Variants in DNAI3 observed in about 807,000 individuals in gnomAD.
DNAI3 encodes the protein WD repeat domain 63.
In DNAI3, 83 loss-of-function variants were observed where a neutral mutation model predicts 115.5. The ratio of observed to expected loss-of-function variants is 0.72; its 90% CI spans 0.60 to 0.86. The LOEUF (loss-of-function observed/expected upper bound fraction) is 0.86, where lower values mean the gene tolerates loss of function less well. Among genes scored for constraint, DNAI3 ranks in the 40% least tolerant of loss-of-function variants. The pLI, the probability that DNAI3 is intolerant of heterozygous loss-of-function variation, is 0.00. For synonymous variants in DNAI3, 320 were observed against 347.0 expected (o/e 0.92, Z 0.86); for missense variants, 1,004 against 1,075.8 (o/e 0.93, Z 0.93).
At position 85,121,893 on chromosome 1, in the gene DNAI3, G is replaced by T. The variant is rs578152156; in HGVS notation, c.1981+79G>T. ...ACCCAAAGGAATCTCATGCAGTACAGAGTCACCCTGGTCTTGCTAATGGGA... is the reference window on the plus strand; with the variant it reads ...ACCCAAAGGAATCTCATGCAGTACATAGTCACCCTGGTCTTGCTAATGGGA... On this transcript the variant is annotated intron_variant, in intron 18 of 22. Coordinates refer to ENST00000294664, the MANE Select transcript of DNAI3 (RefSeq NM_145172.5). 3.7e-5 allele frequency: 55 copies of T among 1,485,566 alleles called. No homozygotes were observed. The East Asian group carries it at 1.2e-3, about 32-fold the overall frequency. 92.0% of individuals were successfully genotyped at this position (1,485,566 alleles called of 1,614,324 possible).
chr1:85,126,198 A>G (rs1440336590), intron 19 of DNAI3, among the ~76,000 whole-genome samples: 3 of 152,214 alleles, frequency 2.0e-5, no homozygotes, highest in African/African-American at 7.2e-5. Flanking sequence ...ATGTCCACCA[A>G]TTTCCACAGA....
At chr1:85,123,452 G>C (rs768525592) in intron 18 of DNAI3, among the ~76,000 whole-genome samples, 1 of 152,012 alleles carries the variant, frequency 6.6e-6, no homozygotes. Flanking sequence ...TTGCTGTCGG[G>C]GGTGCCTTCC....
chr1:85,098,656 G>T lies in DNAI3; in HGVS notation c.1477G>T (p.Glu493Ter). The T allele has an allele frequency of 1.9e-6, 3 of 1,612,360 alleles. No individual in the cohort carries two copies. The highest frequency in any genetic ancestry group is 1.1e-5 in the South Asian group (1 of 90,486). The change falls in exon 13 of 23, where the codon GAG becomes TAG. Residue 493 changes from glutamate (E) to a stop codon, truncating the protein, a stop_gained and splice_region_variant. Transcript: ENST00000294664. LOFTEE classifies it high-confidence loss of function. ...TATACACTGGTTGTCTGACACATTT[G>T]AGGTGAGACTTGATGGCCTTATACT... ...TDIHWLSDTFEINRMGSVFEN... is the reference protein window; with the variant it reads ...TDIHWLSDTF
Position 85,095,978 on chromosome 1 carries a change from G to A in DNAI3, c.1221G>A (p.Pro407=), listed in dbSNP as rs139599532. Residue 407 remains proline, a synonymous_variant, in exon 11 of 23, where the codon CCG becomes CCA. Transcript: ENST00000294664. Reference sequence around the variant, plus strand: ...ACATCTTCTGCTTCAAGTTCTGTCCGAGTGATCCTAATATCATTGCTGGAG... The same window carrying A: ...ACATCTTCTGCTTCAAGTTCTGTCCAAGTGATCCTAATATCATTGCTGGAG... ...PDDIFCFKFC[P]SDPNIIAGGC... is the part of the protein sequence containing the mutation. 7 of 1,613,756 alleles carry A rather than the reference G, an allele frequency of 4.3e-6. No homozygotes were observed. Among genetic ancestry groups the A allele is most frequent in the Admixed American group, 1.7e-5 (1 of 59,980 alleles).
At chr1:85,096,125 G>T in intron 11 of DNAI3, 105 bp downstream of exon 11, 1 of 1,015,274 alleles carries the variant, frequency 9.8e-7, no homozygotes, top group Non-Finnish European at 1.5e-6. Context: ...TCAGCAGAAG[G>T]AAGGCATGCC....
chr1:85,119,542 A>T (rs1655927647), intron 17 of DNAI3, among the ~76,000 whole-genome samples: 1 of 152,124 alleles, frequency 6.6e-6, no homozygotes, highest in African/African-American at 2.4e-5. Context: ...AAAGCATGAC[A>T]CCCCCTGCTC....
Position 85,117,816 on chromosome 1 carries a change from A to G in DNAI3, c.1874A>G (p.Lys625Arg). The G allele has an allele frequency of 6.2e-7, 1 of 1,613,908 alleles. No homozygotes were observed. Among genetic ancestry groups the G allele is most frequent in the African/African-American group, 1.3e-5 (1 of 75,060 alleles). ...NLESGMANLL[K>R]PIDDFCTKFF... ...GAAAGTGGGATGGCCAATCTTCTCA[A>G]GCCAATAGATGACTTCTGCACAAAG... Residue 625 changes from lysine (K) to arginine (R), a missense_variant, in exon 17 of 23, where the codon AAG becomes AGG. By Grantham distance (26) the Lys-to-Arg change is conservative (BLOSUM62 2). Around this residue, in one of 3 missense-constraint regions of DNAI3, gnomAD observed 429 missense variants for 454.3 expected, o/e 0.94. Transcript: ENST00000294664.
chr1:85,127,417 T>C (rs1239420643), intron 20 of DNAI3, among the ~76,000 whole-genome samples: 1 of 152,204 alleles, frequency 6.6e-6, no homozygotes, highest in Non-Finnish European at 1.5e-5. Flanking sequence ...TTTTTTATTT[T>C]ATTTTTTTGC....
chr1:85,085,635 A>T (rs1654778851), intron 6 of DNAI3, among the ~76,000 whole-genome samples, 196 bp from the exon 7 acceptor site: 1 of 152,184 alleles, frequency 6.6e-6, no homozygotes, highest in South Asian at 2.1e-4. Context: ...CCTGCTGGCA[A>T]AGTGGTCCCA....
chr1:85,073,248 T>G (rs1053867056), intron 3 of DNAI3, among the ~76,000 whole-genome samples, 156 bp downstream of exon 3: 6 of 152,080 alleles, frequency 3.9e-5, no homozygotes, highest in African/African-American at 1.4e-4. Flanking sequence ...TGAAAAATTT[T>G]TAAAAGAAAA....
chr1:85,108,148 C>A lies in DNAI3; in HGVS notation c.1669C>A (p.Leu557Met). 6.2e-7 allele frequency: 1 copy of A among 1,604,340 alleles called. No homozygotes were observed. Among genetic ancestry groups the A allele is most frequent in the Non-Finnish European group, 8.5e-7 (1 of 1,176,904 alleles). Residue 557 changes from leucine to methionine, a missense_variant, in exon 15 of 23, where the codon CTG becomes ATG. Leu to Met is a conservative substitution (Grantham distance 15). This residue lies in a region of DNAI3 where 429 missense variants were observed against 454.3 expected (regional missense o/e 0.94). Transcript: ENST00000294664. ...TGATGTACCATCTACTTTTTTGCAT[C>A]TGGATCTCTCCTGGAAACCTCTCAC... The part of the protein sequence containing the change: ...PFDVPSTFLH[L>M]DLSWKPLTKV...
chr1:85,094,512 C>G lies in DNAI3; in HGVS notation c.1130C>G (p.Ser377Ter). 2 of 1,614,194 alleles carry G rather than the reference C, an allele frequency of 1.2e-6. No individual in the cohort carries two copies. The highest frequency in any genetic ancestry group is 1.7e-6 in the Non-Finnish European group (2 of 1,180,032). The change falls in exon 10 of 23, where the codon TCA becomes TGA. Residue 377 changes from serine (S) to a stop codon, truncating the protein, a stop_gained. Coordinates refer to ENST00000294664, the MANE Select transcript of DNAI3 (RefSeq NM_145172.5). LOFTEE classifies it high-confidence loss of function. ...HFSGKLLLQP[S>*]LILFWSFSDP... ...TCTGGTAAATTATTGCTGCAGCCAT[C>G]ACTGATTCTTTTCTGGAGCTTCTCT...
Position 85,117,870 on chromosome 1 carries a change from A to T in DNAI3, c.1917+11A>T, listed in dbSNP as rs921118756. ...TTTGTGGGAACAGAGGTAAATTGGG[A>T]TTATCTGCTTTTAAAATTAATACTT... On this transcript the variant is annotated intron_variant, in intron 17 of 22. Transcript: ENST00000294664. The T allele has an allele frequency of 3.0e-5, 48 of 1,609,524 alleles. No individual in the cohort carries two copies. The highest frequency in any genetic ancestry group is 3.9e-5 in the Non-Finnish European group (46 of 1,177,588).
chr1:85,075,344 C>A (rs1654415600), intron 3 of DNAI3, among the ~76,000 whole-genome samples: 1 of 152,124 alleles, frequency 6.6e-6, no homozygotes, highest in African/African-American at 2.4e-5. Context: ...ATCTATGAAC[C>A]TGATAAAGGG....
At chr1:85,066,408 C>T (rs914565690) in intron 1 of DNAI3, among the ~76,000 whole-genome samples, 14 of 146,022 alleles carry the variant, frequency 9.6e-5, no homozygotes, top group Non-Finnish European at 2.1e-4. Flanking sequence ...CTGCAAGCTC[C>T]GTCTGCCTCC....
intron 5 of DNAI3, among the ~76,000 whole-genome samples, chr1:85,083,103 A>G (rs1416631830): frequency 1.3e-5 from 2 of 152,146 alleles, no homozygotes; most frequent in African/African-American, 4.8e-5. Flanking sequence ...GAAGGAAGCA[A>G]TTTGGGAGGT....
chr1:85,086,933 C>G (rs1301894636), intron 7 of DNAI3, among the ~76,000 whole-genome samples: 2 of 152,122 alleles, frequency 1.3e-5, no homozygotes, highest in Admixed American at 1.3e-4. Context: ...TGATCTAGAT[C>G]CCTTTACCCC....
intron 18 of DNAI3, 92 bp downstream of exon 18, chr1:85,121,906 C>A: frequency 7.3e-7 from 1 of 1,377,452 alleles, no homozygotes; most frequent in South Asian, 1.2e-5. Flanking sequence ...TCACCCTGGT[C>A]TTGCTAATGG....
rs143362473 is a variant in DNAI3 at position 85,082,383 on chromosome 1, G to T, written c.369G>T (p.Glu123Asp). 22 of 1,613,318 alleles carry T rather than the reference G, an allele frequency of 1.4e-5. No individual in the cohort carries two copies. The highest frequency in any genetic ancestry group is 1.8e-5 in the Non-Finnish European group (21 of 1,179,422). The change falls in exon 5 of 23, where the codon GAG becomes GAT. Residue 123 changes from glutamate (E) to aspartate (D), a missense_variant. Transcript: ENST00000294664. Reference protein sequence around the residue: ...GLNFYLIATEEGKENYLNPPE... With the variant: ...GLNFYLIATEDGKENYLNPPE... ...ACTTTTATCTTATTGCAACTGAAGA[G>T]GGCAAAGAAAACTATTTAAATGTGA...
Sources: gnomAD v4.1 joint callset for allele counts (sites outside exome capture counted in the v4.1 genomes callset) on GRCh38, gnomAD v4.1.1 for gene constraint, gnomAD v4.1.1 regional missense constraint, MANE v1.5 for transcripts, NCBI Gene and HGNC (gene_info 2026-07-23, HGNC 2026-07-21) for gene names.